OR51B5: variants seen among roughly 807,000 people sequenced by gnomAD.
OR51B5 encodes the protein olfactory receptor 51B5.
For synonymous variants in OR51B5, 186 were observed against 144.8 expected, an observed-to-expected ratio of 1.28 and a Z score of -2.04; for missense variants, 456 against 374.6, an observed-to-expected ratio of 1.22 and a Z score of -1.79.
At chr11:5,394,081 G>A (rs575167104) in intron 1 of OR51B5, among the ~76,000 whole-genome samples, 1 of 152,002 alleles carries the variant, frequency 6.6e-6, no homozygotes, top group Non-Finnish European at 1.5e-5. Flanking sequence ...CTTTTTAATA[G>A]ACTTGATTTT....
At chr11:5,504,143 T>C (rs1052899291) in intron 1 of OR51B5, among the ~76,000 whole-genome samples, 2 of 151,896 alleles carry the variant, frequency 1.3e-5, no homozygotes, top group South Asian at 2.1e-4. Flanking sequence ...CTAAAACATA[T>C]AGAAAAAAAA....
intron 1 of OR51B5, among the ~76,000 whole-genome samples, chr11:5,370,614 C>T (rs546031934): frequency 1.3e-4 from 20 of 152,198 alleles, no homozygotes; most frequent in African/African-American, 4.1e-4. Flanking sequence ...ATTTAACAAG[C>T]GGTCATTGTT....
chr11:5,452,969 C>A (rs1266095588), intron 1 of OR51B5, among the ~76,000 whole-genome samples: 1 of 152,182 alleles, frequency 6.6e-6, no homozygotes, highest in East Asian at 1.9e-4. Context: ...CCCTCTCCAT[C>A]CAAGCACACA....
intron 1 of OR51B5, among the ~76,000 whole-genome samples, chr11:5,490,469 A>G (rs1326651965): frequency 6.6e-6 from 1 of 152,140 alleles, no homozygotes; most frequent in Non-Finnish European, 1.5e-5. Flanking sequence ...ATCCATTTTG[A>G]GGTCTCTTTC....
At chr11:5,488,954 A>G in intron 1 of OR51B5, 1 of 1,613,902 alleles carries the variant, frequency 6.2e-7, no homozygotes, top group Non-Finnish European at 8.5e-7. Flanking sequence ...ACTGTGCCCA[A>G]GATGCTGGCC....
chr11:5,407,868 T>A (rs1290809552), intron 1 of OR51B5, among the ~76,000 whole-genome samples: 1 of 152,094 alleles, frequency 6.6e-6, no homozygotes, highest in Non-Finnish European at 1.5e-5. Flanking sequence ...TTCCTATCAA[T>A]AATGATTAAT....
chr11:5,472,936 T>C (rs554823332), intron 1 of OR51B5, among the ~76,000 whole-genome samples: 1 of 152,330 alleles, frequency 6.6e-6, no homozygotes, highest in Non-Finnish European at 1.5e-5. Context: ...CATCCTGTAC[T>C]GGTTTTAACA....
At chr11:5,417,434 A>G (rs61894098) in intron 1 of OR51B5, among the ~76,000 whole-genome samples, 3 of 151,700 alleles carry the variant, frequency 2.0e-5, no homozygotes, top group Non-Finnish European at 4.4e-5. Context: ...AATGGGATCT[A>G]ATTAAACTAA....
intron 1 of OR51B5, among the ~76,000 whole-genome samples, chr11:5,376,742 A>C (rs1022458023): frequency 3.4e-4 from 51 of 151,886 alleles, no homozygotes; most frequent in East Asian, 5.8e-4. Context: ...CACATACACT[A>C]TCCCAAGACT....
intron 1 of OR51B5, among the ~76,000 whole-genome samples, chr11:5,497,049 A>T (rs145691575): frequency 0.96 from 143,449 of 150,014 alleles, 68,488 homozygotes; most frequent in East Asian, 1. Flanking sequence ...GTTTAAAAAA[A>T]AAAAAAAAAA....
At chr11:5,403,470 A>T (rs1341863011) in intron 1 of OR51B5, 1 of 471,652 alleles carries the variant, frequency 2.1e-6, no homozygotes, top group Admixed American at 2.3e-5. Context: ...TGTCAATCCT[A>T]TTGTCTACAG....
chr11:5,423,275 C>T, intron 1 of OR51B5: 4 of 1,330,388 alleles, frequency 3.0e-6, no homozygotes, highest in Non-Finnish European at 3.0e-6. Context: ...ATGACAAGTC[C>T]CTGGCTTTTA....
At chr11:5,471,709 T>G (rs1268429277) in intron 1 of OR51B5, among the ~76,000 whole-genome samples, 1 of 152,066 alleles carries the variant, frequency 6.6e-6, no homozygotes, top group Admixed American at 6.5e-5. Flanking sequence ...GAGCTACATG[T>G]TTTTACTGTA....
At chr11:5,350,844 T>C (rs890132669) in intron 1 of OR51B5, among the ~76,000 whole-genome samples, 1 of 152,188 alleles carries the variant, frequency 6.6e-6, no homozygotes, top group Non-Finnish European at 1.5e-5. Context: ...CACACACAGG[T>C]AAGTCACTCT....
At chr11:5,390,295 T>C in intron 1 of OR51B5, 1 of 1,613,908 alleles carries the variant, frequency 6.2e-7, no homozygotes, top group Non-Finnish European at 8.5e-7. Flanking sequence ...CTCCCATGCT[T>C]AACCCAATCA....
chr11:5,441,176 C>G (rs763290743), intron 1 of OR51B5: 205 of 1,613,428 alleles, frequency 1.3e-4, no homozygotes, highest in Non-Finnish European at 1.7e-4. Flanking sequence ...GTATGCCTGA[C>G]TCCATGAAGG....
rs56677841 is a variant in OR51B5, at chr11:5,452,504, C to CA, written n.84+53064dup. ...TGGGCAAAAGAGAGAGACTCTGTCTCAAAAAAAAAAAAAAAAAAAAAAAAA... is the reference window on the plus strand; with the variant it reads ...TGGGCAAAAGAGAGAGACTCTGTCTCAAAAAAAAAAAAAAAAAAAAAAAAAA... On this transcript the variant is annotated intron_variant and non_coding_transcript_variant, in intron 1 of 4. Transcript: ENST00000415970. Among the ~76,000 whole-genome samples, 89 of 69,212 alleles carry CA rather than the reference C, an allele frequency of 1.3e-3. 10 individuals are homozygous for CA. Among genetic ancestry groups the CA allele is most frequent in the East Asian group, 2.9e-3 (4 of 1,374 alleles). 45.4% of individuals were successfully genotyped at this position (69,212 alleles called of 152,430 possible).
At chr11:5,409,959 G>T (rs1219364221) in intron 1 of OR51B5, among the ~76,000 whole-genome samples, 3 of 152,078 alleles carry the variant, frequency 2.0e-5, no homozygotes, top group Non-Finnish European at 4.4e-5. Context: ...CTTCTCAGTA[G>T]AAATGTAAGA....
At position 5,453,806 on chromosome 11, in the gene OR51B5, C is replaced by T. The variant is rs778919395; in HGVS notation, n.84+51763G>A. On this transcript the variant is annotated intron_variant and non_coding_transcript_variant, in intron 1 of 4. Coordinates refer to the OR51B5 transcript ENST00000415970. ...TAATTCAGATGTTTCTTATTCACTTCTTCTCCATGATGGAATCAGGTATTC... is the reference window on the plus strand; with the variant it reads ...TAATTCAGATGTTTCTTATTCACTTTTTCTCCATGATGGAATCAGGTATTC... The T allele has an allele frequency of 3.7e-6, 6 of 1,614,210 alleles. No homozygotes were observed. The South Asian group carries it at 6.6e-5, about 18-fold the overall frequency.
Sources: allele counts gnomAD v4.1 joint callset (sites outside exome capture counted in the v4.1 genomes callset), GRCh38; gene constraint gnomAD v4.1.1; transcripts MANE v1.5; gene names NCBI Gene and HGNC (gene_info 2026-07-23, HGNC 2026-07-21).